Variants in ACSM2B observed in about 807,000 individuals in gnomAD.
ACSM2B encodes acyl-coenzyme A synthetase ACSM2B, mitochondrial.
A neutral mutation model predicts 78.6 loss-of-function variants in ACSM2B; 58 were observed. That is an observed-to-expected ratio of 0.74 (90% CI 0.60 to 0.92). The LOEUF is 0.92. Among genes scored for constraint, ACSM2B ranks in the 40% least tolerant of loss-of-function variants. The probability of loss-of-function intolerance (pLI) is 0.00; values close to 1 mark genes in which losing one functional copy is unlikely to be tolerated. For synonymous variants in ACSM2B, 257 were observed against 256.8 expected (o/e 1.00, Z -0.01); for missense variants, 688 against 711.2 (o/e 0.97, Z 0.37).
chr16:20,568,296 A>G (rs1010755064), intron 1 of ACSM2B, among the ~76,000 whole-genome samples: 1 of 144,918 alleles, frequency 6.9e-6, no homozygotes, highest in African/African-American at 2.5e-5. Context: ...TATATAAAAT[A>G]TATACATACT....
intron 1 of ACSM2B, among the ~76,000 whole-genome samples, chr16:20,568,281 A>G: frequency 6.9e-6 from 1 of 144,998 alleles, no homozygotes; most frequent in East Asian, 2.0e-4. Context: ...TAGTATATAT[A>G]GATATATATA....
At position 20,542,983 on chromosome 16, in the gene ACSM2B, A is replaced by G. The variant is rs558768908; in HGVS notation, c.1440T>C (p.Asn480=). The change falls in exon 12 of 14, where the codon AAT becomes AAC. Residue 480 remains asparagine (N), a synonymous_variant. Transcript: ENST00000329697. ...GYRIGPSEVE[N]ALMKHPAVVE... ...CCACAGCAGGGTGCTTCATCAGTGC[A>G]TTCTCTACCTCCGAGGGTCCAATCC... 33 of 1,613,648 alleles carry G rather than the reference A, an allele frequency of 2.0e-5. No homozygotes were observed. The African/African-American group carries it at 4.0e-4, about 20-fold the overall frequency.
chr16:20,561,451 ATGTT>A (rs1213626964), intron 2 of ACSM2B, among the ~76,000 whole-genome samples: 1 of 151,370 alleles, frequency 6.6e-6, no homozygotes, highest in Non-Finnish European at 1.5e-5. Flanking sequence ...AGTGCCATGT[ATGTT>A]AAAACAACAA....
intron 1 of ACSM2B, among the ~76,000 whole-genome samples, chr16:20,568,213 T>TA (rs1359656234): frequency 1.4e-5 from 2 of 144,262 alleles, no homozygotes; most frequent in Non-Finnish European, 3.0e-5. Context: ...TAAATATATG[T>TA]AAAAAATGTA....
At chr16:20,549,420 A>G (rs1309810073) in intron 6 of ACSM2B, among the ~76,000 whole-genome samples, 1 of 152,052 alleles carries the variant, frequency 6.6e-6, no homozygotes, top group African/African-American at 2.4e-5. Context: ...ATCACATGGC[A>G]AAGGGGCTCA....
intron 5 of ACSM2B, among the ~76,000 whole-genome samples, chr16:20,553,352 C>A (rs571953145): frequency 6.6e-6 from 1 of 152,142 alleles, no homozygotes; most frequent in Non-Finnish European, 1.5e-5. Context: ...ATCCTGAGAT[C>A]TTTGTTCACA....
Position 20,561,860 on chromosome 16 carries a change from C to A in ACSM2B, c.178-2413G>T, listed in dbSNP as rs151056199. On this transcript the variant is annotated intron_variant, in intron 2 of 13. Coordinates refer to ENST00000329697, the MANE Select transcript of ACSM2B (RefSeq NM_001105069.2). ...GGTATATCGCCTAATGTTATCCCTC[C>A]CCCCTCCCCCCACCCCATAACAGGC... Among the ~76,000 whole-genome samples, 290 of 98,834 alleles carry A rather than the reference C, an allele frequency of 2.9e-3. 1 individual carries two copies. In the East Asian group the frequency reaches 0.039, roughly 13 times the overall value. 64.8% of individuals were successfully genotyped at this position (98,834 alleles called of 152,430 possible).
At chr16:20,546,559 C>A in intron 8 of ACSM2B, 85 bp from the exon 9 acceptor site, 1 of 1,550,004 alleles carries the variant, frequency 6.5e-7, no homozygotes, top group Non-Finnish European at 8.7e-7. Context: ...AGAGCGGGTC[C>A]TGACACTGTC....
At chr16:20,547,036 A>G in intron 8 of ACSM2B, 2 of 849,036 alleles carry the variant, frequency 2.4e-6, no homozygotes, top group Non-Finnish European at 2.9e-6. Context: ...TCCCAACAGA[A>G]TAACAGATGA....
chr16:20,552,346 G>A, intron 5 of ACSM2B, 49 bp from the exon 6 acceptor site: 2 of 1,573,332 alleles, frequency 1.3e-6, no homozygotes, highest in Admixed American at 1.8e-5. Context: ...TGCATGCTTA[G>A]GATGCGTGGG....
rs1482129066 is a variant in ACSM2B at position 20,548,441 on chromosome 16, C to A, written c.927G>T (p.Met309Ile). 1.9e-6 allele frequency: 3 copies of A among 1,613,474 alleles called. No individual in the cohort carries two copies. Among genetic ancestry groups the A allele is most frequent in the Non-Finnish European group, 2.5e-6 (3 of 1,179,704 alleles). Reference sequence around the variant, plus strand: ...ACATCCGGTAAACAATAGGGGCACCCATCATACTCTTGATTGGATAACTGG... The same window carrying A: ...ACATCCGGTAAACAATAGGGGCACCAATCATACTCTTGATTGGATAACTGG... Reference protein sequence around the residue: ...TLSSYPIKSMMGAPIVYRMLL... With the variant: ...TLSSYPIKSMIGAPIVYRMLL... The change falls in exon 7 of 14, where the codon ATG becomes ATT. Residue 309 changes from methionine (M) to isoleucine (I), a missense_variant. Transcript: ENST00000329697.
At chr16:20,549,510 C>A in intron 6 of ACSM2B, 1 of 194,682 alleles carries the variant, frequency 5.1e-6, no homozygotes, top group Non-Finnish European at 1.1e-5. Context: ...ACTGTTAATC[C>A]ATTAATCCCT....
intron 2 of ACSM2B, among the ~76,000 whole-genome samples, chr16:20,563,547 G>C (rs1310699647): frequency 4.0e-5 from 6 of 151,766 alleles, no homozygotes; most frequent in Admixed American, 1.3e-4. Context: ...GGGCCTTCCT[G>C]AATATTTAAA....
rs1275698860 is a variant in ACSM2B, at chr16:20,537,297, G to C, written c.1695C>G (p.Asp565Glu). Residue 565 changes from aspartate to glutamate, a missense_variant, in exon 14 of 14, where the codon GAC becomes GAG. Physicochemically the swap from Asp to Glu is conservative, Grantham distance 45. Coordinates refer to ENST00000329697, the MANE Select transcript of ACSM2B (RefSeq NM_001105069.2). The stretch of plus-strand genomic sequence containing the variant: ...CTTTTCCGGACATCTTCCACTCCTT[G>C]TCTCGAAGTTTGGTTCGTTGAATTT... ...TGKIQRTKLR[D>E]KEWKMSGKAR... is the part of the protein sequence containing the mutation. 1 of 1,614,056 alleles carries C rather than the reference G, an allele frequency of 6.2e-7. No homozygotes were observed. Among genetic ancestry groups the C allele is most frequent in the East Asian group, 2.2e-5 (1 of 44,858 alleles).
chr16:20,566,378 T>C (rs913938599), intron 1 of ACSM2B, among the ~76,000 whole-genome samples: 1 of 133,206 alleles, frequency 7.5e-6, no homozygotes, highest in African/African-American at 2.8e-5. Flanking sequence ...ATATAAAATA[T>C]ATATACTACA....
At chr16:20,544,867 A>G (rs1194374416) in intron 10 of ACSM2B, 6 of 1,081,094 alleles carry the variant, frequency 5.5e-6, no homozygotes, top group Non-Finnish European at 6.7e-6. Flanking sequence ...GGTGCTGTGT[A>G]TAGTTCAGGG....
chr16:20,540,341 C>G (rs912299196), intron 13 of ACSM2B, among the ~76,000 whole-genome samples: 1 of 150,246 alleles, frequency 6.7e-6, no homozygotes, highest in African/African-American at 2.4e-5. Flanking sequence ...CTCCCAGATT[C>G]GAGCGATTCT....
chr16:20,566,531 T>G (rs1474157998), intron 1 of ACSM2B, among the ~76,000 whole-genome samples: 3 of 108,808 alleles, frequency 2.8e-5, no homozygotes, highest in Non-Finnish European at 5.2e-5. Flanking sequence ...AAATATGTTA[T>G]ATATACTATA....
At chr16:20,557,457 C>A (rs566351415) in intron 3 of ACSM2B, among the ~76,000 whole-genome samples, 3 of 152,042 alleles carry the variant, frequency 2.0e-5, no homozygotes, top group African/African-American at 4.8e-5. Context: ...CTACCTCAAC[C>A]AAACTGAAGC....
Sources: allele counts gnomAD v4.1 joint callset (sites outside exome capture counted in the v4.1 genomes callset), GRCh38; gene constraint gnomAD v4.1.1; transcripts MANE v1.5; gene names NCBI Gene and HGNC (gene_info 2026-07-23, HGNC 2026-07-21).